Variants in KCNN3 observed in about 807,000 individuals in gnomAD.
KCNN3 encodes potassium calcium-activated channel subfamily N member 3.
Under a neutral mutation model 62.9 loss-of-function variants are expected in KCNN3, and 16 were observed. The observed-to-expected ratio is 0.25, with a 90% confidence interval of 0.17 to 0.39. The LOEUF is 0.39. Ranked by LOEUF, KCNN3 falls within the 10% of genes least tolerant of loss-of-function variation. The probability of loss-of-function intolerance (pLI) is 1.00; values close to 1 mark genes in which losing one functional copy is unlikely to be tolerated. For synonymous variants in KCNN3, 370 were observed against 389.2 expected, an observed-to-expected ratio of 0.95 and a Z score of 0.58; for missense variants, 599 against 949.4, an observed-to-expected ratio of 0.63 and a Z score of 4.85.
At chr1:154,836,710 C>T (rs1032638158) in intron 1 of KCNN3, among the ~76,000 whole-genome samples, 2 of 152,206 alleles carry the variant, frequency 1.3e-5, no homozygotes, top group African/African-American at 4.8e-5. Context: ...TTTCCGGGAC[C>T]AGGCTTTAAG....
intron 1 of KCNN3, among the ~76,000 whole-genome samples, chr1:154,841,723 C>T (rs1043460192): frequency 6.6e-6 from 1 of 152,164 alleles, no homozygotes; most frequent in Non-Finnish European, 1.5e-5. Flanking sequence ...TCCCCATCCC[C>T]GAATGAGAGC....
intron 3 of KCNN3, among the ~76,000 whole-genome samples, chr1:154,747,144 A>T (rs187538892): frequency 6.1e-4 from 93 of 152,188 alleles, no homozygotes; most frequent in Admixed American, 5.5e-3. Flanking sequence ...ATCACTCCAC[A>T]TCCAGTGAGT....
Position 154,750,540 on chromosome 1 carries a change from C to A in KCNN3, c.1449-17396G>T, listed in dbSNP as rs182779537. Among the ~76,000 whole-genome samples, 17 of 152,196 alleles carry A rather than the reference C, an allele frequency of 1.1e-4. No individual in the cohort carries two copies. In the East Asian group the frequency reaches 3.3e-3, roughly 29 times the overall value. ...TCGCATCAACTCTCACAGCTCTGGG[C>A]CTCCCTCTCTTCATCTGGGAAGGGT... is the stretch of plus-strand genomic sequence containing the variant. On this transcript the variant is annotated intron_variant, in intron 3 of 7. Transcript: ENST00000271915.
chr1:154,806,186 C>G (rs905290964), intron 2 of KCNN3, among the ~76,000 whole-genome samples: 12 of 152,278 alleles, frequency 7.9e-5, no homozygotes, highest in African/African-American at 2.4e-4. Context: ...TCCTGGTCAC[C>G]AGCTAAGAAG....
chr1:154,838,576 T>C (rs1035935385), intron 1 of KCNN3, among the ~76,000 whole-genome samples: 1 of 152,218 alleles, frequency 6.6e-6, no homozygotes, highest in African/African-American at 2.4e-5. Flanking sequence ...TTCCATGTGC[T>C]TGCTGGGCCG....
At chr1:154,739,607 T>C (rs959995333) in intron 3 of KCNN3, among the ~76,000 whole-genome samples, 37 of 152,234 alleles carry the variant, frequency 2.4e-4, no homozygotes, top group African/African-American at 8.4e-4. Context: ...CACACACTTT[T>C]GCAATCCTTT....
chr1:154,731,572 A>C (rs1700594058), intron 4 of KCNN3, among the ~76,000 whole-genome samples: 1 of 152,166 alleles, frequency 6.6e-6, no homozygotes, highest in Middle Eastern at 3.2e-3. Context: ...TGAGGCGTTC[A>C]CTCAGACCCT....
Position 154,703,811 on chromosome 1 carries a change from T to C in KCNN3, c.*4165A>G, listed in dbSNP as rs1377632713. On this transcript the variant is annotated 3_prime_UTR_variant, in exon 8 of 8. Coordinates refer to ENST00000271915, the MANE Select transcript of KCNN3 (RefSeq NM_002249.6). Reference sequence around the variant, plus strand: ...TCAAACGTAACATCAAGGTGTGATCTAGATACAGTCAGTCTGGGCTGCTGT... The same window carrying C: ...TCAAACGTAACATCAAGGTGTGATCCAGATACAGTCAGTCTGGGCTGCTGT... The C allele has an allele frequency of 2.0e-5, 3 of 152,222 alleles. No individual in the cohort carries two copies. Among genetic ancestry groups the C allele is most frequent in the African/African-American group, 4.8e-5 (2 of 41,456 alleles). 9.4% of individuals were successfully genotyped at this position (152,222 alleles called of 1,614,324 possible).
At chr1:154,714,609 TGTG>T (rs374179580) in intron 6 of KCNN3, among the ~76,000 whole-genome samples, 27,038 of 56,086 alleles carry the variant, frequency 0.48, 6,810 homozygotes, top group Middle Eastern at 0.64. Flanking sequence ...ATGTGTGGTG[TGTG>T]GTGTGTGTGT....
intron 2 of KCNN3, among the ~76,000 whole-genome samples, chr1:154,789,398 G>C (rs1292001283): frequency 1.3e-5 from 2 of 152,060 alleles, no homozygotes; most frequent in Non-Finnish European, 2.9e-5. Flanking sequence ...TTAGGAGCTG[G>C]ATATTTTGGC....
chr1:154,771,620 C>T (rs1013258877), intron 3 of KCNN3, among the ~76,000 whole-genome samples: 1 of 152,210 alleles, frequency 6.6e-6, no homozygotes, highest in Non-Finnish European at 1.5e-5. Context: ...CAGGACTTCT[C>T]AGAGCCTTTA....
At chr1:154,825,815 G>A (rs1381818353) in intron 1 of KCNN3, among the ~76,000 whole-genome samples, 5 of 151,470 alleles carry the variant, frequency 3.3e-5, no homozygotes, top group Admixed American at 2.0e-4. Flanking sequence ...TTGGGAGGCC[G>A]AGGTGGGCAG....
chr1:154,861,875 C>T (rs1013709479), intron 1 of KCNN3, among the ~76,000 whole-genome samples: 6 of 151,998 alleles, frequency 3.9e-5, no homozygotes, highest in Non-Finnish European at 5.9e-5. Flanking sequence ...GAAACGAGGC[C>T]CAGAGAGGGG....
chr1:154,794,161 T>A (rs1040004103), intron 2 of KCNN3, among the ~76,000 whole-genome samples: 3 of 152,236 alleles, frequency 2.0e-5, no homozygotes, highest in African/African-American at 7.2e-5. Flanking sequence ...GTTAATCCTA[T>A]TCATCCTCTG....
rs1051614 is a variant in KCNN3 at position 154,772,331 on chromosome 1, C to T, written c.1092G>A (p.Leu364=). 20,308 of 1,613,816 alleles carry T rather than the reference C, an allele frequency of 0.013. 159 individuals carry two copies. The highest frequency in any genetic ancestry group is 0.015 in the Non-Finnish European group (17,989 of 1,179,850). The change falls in exon 3 of 8, where the codon CTG becomes CTA. Residue 364 remains leucine, a synonymous_variant. Transcript: ENST00000271915. The surrounding 1 kb of genome is among the most constrained non-coding windows in gnomAD (Gnocchi z 5.6). ...WRIAMTYERI[L]YISLEMLVCA... ...ACACCAGCATCTCCAGGCTGATGTA[C>T]AGGATGCGCTCGTAGGTCATGGCTA...
At chr1:154,835,316 G>T (rs1022102510) in intron 1 of KCNN3, among the ~76,000 whole-genome samples, 23 of 152,172 alleles carry the variant, frequency 1.5e-4, no homozygotes, top group Non-Finnish European at 2.9e-5. Context: ...AATCTCAAAA[G>T]TGTCCCAGTT....
chr1:154,855,218 A>AAAATAAAT (rs57512838), intron 1 of KCNN3, among the ~76,000 whole-genome samples: 6,180 of 149,316 alleles, frequency 0.041, 282 homozygotes, highest in African/African-American at 0.11. Context: ...ACTCTGTCTC[A>AAAATAAAT]AAATAAATAA....
chr1:154,859,015 GC>G (rs1277024810), intron 1 of KCNN3, among the ~76,000 whole-genome samples: 3 of 152,106 alleles, frequency 2.0e-5, no homozygotes, highest in Non-Finnish European at 4.4e-5. Flanking sequence ...CAGGTATGGT[GC>G]CCCCCTGAGG....
At chr1:154,711,466 A>T (rs2101758872) in intron 7 of KCNN3, among the ~76,000 whole-genome samples, 2 of 151,970 alleles carry the variant, frequency 1.3e-5, no homozygotes, top group African/African-American at 4.8e-5. Flanking sequence ...CACATTGTGC[A>T]CATGTACCCT....
Sources: gnomAD v4.1 joint callset for allele counts (sites outside exome capture counted in the v4.1 genomes callset) on GRCh38, gnomAD v4.1.1 for gene constraint, Gnocchi (gnomAD v3.1) non-coding constraint, MANE v1.5 for transcripts, NCBI Gene and HGNC (gene_info 2026-07-23, HGNC 2026-07-21) for gene names.